Variants in ACER2 observed in about 807,000 individuals in gnomAD.
The protein encoded by ACER2 is alkCDase 2.
In ACER2, 26 loss-of-function variants were observed where a neutral mutation model predicts 34.7. That is an observed-to-expected ratio of 0.75 (90% confidence interval 0.55 to 1.04). The LOEUF is 1.04. Among genes scored for constraint, ACER2 ranks in the 50% least tolerant of loss-of-function variants. ACER2 has a pLI of 0.00. For missense variants in ACER2, 352 were observed against 340.8 expected (o/e 1.03, Z -0.26); for synonymous variants, 138 against 132.1 (o/e 1.04, Z -0.31).
At chr9:19,442,518 C>G (rs1200793764) in intron 4 of ACER2, among the ~76,000 whole-genome samples, 2 of 152,206 alleles carry the variant, frequency 1.3e-5, no homozygotes, top group East Asian at 3.9e-4. Context: ...CAGAGCCTCC[C>G]TCCTGCCTCG....
intron 4 of ACER2, among the ~76,000 whole-genome samples, chr9:19,444,621 G>C (rs563652351): frequency 6.6e-6 from 1 of 152,322 alleles, no homozygotes; most frequent in Non-Finnish European, 1.5e-5. Flanking sequence ...AGCTTGCACT[G>C]AGGGGAGACC....
Position 19,423,971 on chromosome 9 carries a change from T to G in ACER2, c.218T>G (p.Val73Gly). 1 of 1,611,906 alleles carries G rather than the reference T, an allele frequency of 6.2e-7. No individual in the cohort carries two copies. The highest frequency in any genetic ancestry group is 1.3e-5 in the African/African-American group (1 of 74,982). ...TACTTAATCTGGACTCTTTTGGTTG[T>G]AGTGGGTAAGTGGAGTCATTTGGGA... ...GIYLIWTLLVVVGIGSVYFHA... is the reference protein window; with the variant it reads ...GIYLIWTLLVGVGIGSVYFHA... The change falls in exon 2 of 6, where the codon GTA becomes GGA. Residue 73 changes from valine to glycine, a missense_variant. Physicochemically the swap from Val to Gly is moderately radical, Grantham distance 109 (BLOSUM62 -3). Transcript: ENST00000340967.
At chr9:19,447,174 A>G (rs1023761820) in intron 5 of ACER2, among the ~76,000 whole-genome samples, 14 of 152,194 alleles carry the variant, frequency 9.2e-5, no homozygotes, top group Non-Finnish European at 1.9e-4. Context: ...TCTGATTGCA[A>G]AAGATCACAA....
At chr9:19,414,093 T>C (rs529677386) in intron 1 of ACER2, among the ~76,000 whole-genome samples, 2 of 152,346 alleles carry the variant, frequency 1.3e-5, no homozygotes. Flanking sequence ...GGCTTCTGAA[T>C]AGAGTGACCA....
chr9:19,424,723 G>A lies in ACER2; in HGVS notation c.247G>A (p.Ala83Thr), dbSNP rs769299255. 1 of 1,613,936 alleles carries A rather than the reference G, an allele frequency of 6.2e-7. No homozygotes were observed. The highest frequency in any genetic ancestry group is 1.1e-5 in the South Asian group (1 of 91,074). Residue 83 changes from alanine (A) to threonine (T), a missense_variant, in exon 3 of 6, where the codon GCA (alanine) becomes ACA (threonine). Physicochemically the swap from Ala to Thr is moderately conservative, Grantham distance 58. Coordinates refer to ENST00000340967, the MANE Select transcript of ACER2 (RefSeq NM_001010887.3). ...VVGIGSVYFHATLSFLGQMLD... is the reference protein window; with the variant it reads ...VVGIGSVYFHTTLSFLGQMLD... ...AGGAATTGGATCCGTCTACTTCCAT[G>A]CAACCCTTAGTTTCTTGGGTCAGAT... is the stretch of plus-strand genomic sequence containing the variant.
chr9:19,446,230 G>A (rs1184096566), intron 4 of ACER2, 51 bp from the exon 5 acceptor site: 1 of 1,613,974 alleles, frequency 6.2e-7, no homozygotes. Flanking sequence ...TGGCCAGCAA[G>A]GAGGTGGAGA....
At chr9:19,411,620 A>G (rs1225125566) in intron 1 of ACER2, among the ~76,000 whole-genome samples, 1 of 152,198 alleles carries the variant, frequency 6.6e-6, no homozygotes, top group Non-Finnish European at 1.5e-5. Context: ...CTGTGTTGAG[A>G]AAGACAGTAG....
chr9:19,450,255 A>G (rs1042644726), intron 5 of ACER2, 195 bp from the exon 6 acceptor site: 8 of 985,318 alleles, frequency 8.1e-6, no homozygotes, highest in Non-Finnish European at 9.6e-6. Flanking sequence ...ACGGGTCCCA[A>G]ATTGCTGAAG....
Position 19,435,075 on chromosome 9 carries a change from A to C in ACER2, c.494A>C (p.Glu165Ala). The C allele has an allele frequency of 1.2e-6, 2 of 1,614,068 alleles. No individual in the cohort carries two copies. Among genetic ancestry groups the C allele is most frequent in the South Asian group, 2.2e-5 (2 of 91,072 alleles). The change falls in exon 4 of 6, where the codon GAG (glutamate) becomes GCG (alanine). Residue 165 changes from glutamate to alanine, a missense_variant. Coordinates refer to ENST00000340967, the MANE Select transcript of ACER2 (RefSeq NM_001010887.3). Reference protein sequence around the residue: ...GVPCTALLIAELKRCDNMRVF... With the variant: ...GVPCTALLIAALKRCDNMRVF... Reference sequence around the variant, plus strand: ...CCTTGCACTGCACTGCTCATCGCAGAGCTAAAGAGGTAGGTGCCATCATTC... The same window carrying C: ...CCTTGCACTGCACTGCTCATCGCAGCGCTAAAGAGGTAGGTGCCATCATTC...
At chr9:19,444,579 G>A (rs931787835) in intron 4 of ACER2, among the ~76,000 whole-genome samples, 1 of 152,154 alleles carries the variant, frequency 6.6e-6, no homozygotes, top group Non-Finnish European at 1.5e-5. Context: ...CATCCTGGTC[G>A]GCATGCAGCC....
chr9:19,417,901 T>A (rs1830283807), intron 1 of ACER2, among the ~76,000 whole-genome samples: 1 of 152,140 alleles, frequency 6.6e-6, no homozygotes, highest in African/African-American at 2.4e-5. Context: ...CAAAAGAAAC[T>A]ATCATCAGGT....
chr9:19,450,220 C>T (rs1454738281), intron 5 of ACER2: 1 of 985,296 alleles, frequency 1.0e-6, no homozygotes, highest in Non-Finnish European at 1.2e-6. Context: ...TATTATCCAG[C>T]AGGACTATTT....
chr9:19,420,387 C>T (rs1830368116), intron 1 of ACER2, among the ~76,000 whole-genome samples: 2 of 152,214 alleles, frequency 1.3e-5, no homozygotes, highest in South Asian at 4.1e-4. Flanking sequence ...GTCATCTTCA[C>T]ATTCGACATA....
chr9:19,423,825 A>C lies in ACER2; in HGVS notation c.109-37A>C, dbSNP rs80061852. ...ACTTTATTTTTTGCCCTTTTTACTT[A>C]ATACTCATCTTTCTGTTTTACATTT... On this transcript the variant is annotated intron_variant, in intron 1 of 5. Coordinates refer to ENST00000340967, the MANE Select transcript of ACER2 (RefSeq NM_001010887.3). 13,117 of 1,533,254 alleles carry C rather than the reference A, an allele frequency of 8.6e-3. 117 individuals carry two copies. The highest frequency in any genetic ancestry group is 0.031 in the African/African-American group (2,257 of 73,256). 95.0% of individuals were successfully genotyped at this position (1,533,254 alleles called of 1,614,324 possible). A position where few individuals can be genotyped will look rare whatever the true frequency, so the allele number is the denominator to read the frequency against.
Position 19,437,490 on chromosome 9 carries a change from A to G in ACER2, c.503+2406A>G, listed in dbSNP as rs572715877. ...CACCCTCACACCCCTCCAGAGGACCATTGCATTTGCTTTCTAACCAGTCTC... is the reference window on the plus strand; with the variant it reads ...CACCCTCACACCCCTCCAGAGGACCGTTGCATTTGCTTTCTAACCAGTCTC... On this transcript the variant is annotated intron_variant, in intron 4 of 5. Coordinates refer to ENST00000340967, the MANE Select transcript of ACER2 (RefSeq NM_001010887.3). Among the ~76,000 whole-genome samples the G allele has an allele frequency of 5.9e-5, 9 of 152,150 alleles. No individual in the cohort carries two copies. The East Asian group carries it at 1.7e-3, about 29-fold the overall frequency.
At chr9:19,434,804 G>A in intron 3 of ACER2, 143 bp from the exon 4 acceptor site, 3 of 1,035,478 alleles carry the variant, frequency 2.9e-6, no homozygotes, top group Non-Finnish European at 4.3e-6. Context: ...GTCGCCGTGA[G>A]TGGCTTTTTG....
chr9:19,426,789 G>A (rs1461651365), intron 3 of ACER2, among the ~76,000 whole-genome samples: 1 of 152,012 alleles, frequency 6.6e-6, no homozygotes, highest in East Asian at 1.9e-4. Flanking sequence ...GAGCCAGTTG[G>A]GGTGGTGCAC....
chr9:19,430,122 T>G (rs1166010108), intron 3 of ACER2, among the ~76,000 whole-genome samples: 1 of 146,784 alleles, frequency 6.8e-6, no homozygotes, highest in African/African-American at 2.5e-5. Context: ...CTATACCCTG[T>G]GTCCCTTTTT....
chr9:19,435,785 C>A (rs1003524327), intron 4 of ACER2, among the ~76,000 whole-genome samples: 1 of 151,486 alleles, frequency 6.6e-6, no homozygotes, highest in Non-Finnish European at 1.5e-5. Context: ...CGCAGTGGCT[C>A]ATGCCTGTAA....
Sources: allele counts gnomAD v4.1 joint callset (sites outside exome capture counted in the v4.1 genomes callset), GRCh38; gene constraint gnomAD v4.1.1; transcripts MANE v1.5; gene names NCBI Gene and HGNC (gene_info 2026-07-23, HGNC 2026-07-21).